Variants in SYNE1 observed in about 807,000 individuals in gnomAD.
SYNE1 encodes the protein nesprin-1.
Under a neutral mutation model 1,111.0 loss-of-function variants are expected in SYNE1, and 616 were observed. The observed-to-expected ratio is 0.55, with a 90% CI of 0.52 to 0.59. The LOEUF (loss-of-function observed/expected upper bound fraction) is 0.59, where lower values mean the gene tolerates loss of function less well. Ranked by LOEUF, SYNE1 falls within the 20% of genes least tolerant of loss-of-function variation. SYNE1 has a pLI of 0.00. For missense variants in SYNE1, 10,006 were observed against 10,417.0 expected, an observed-to-expected ratio of 0.96 and a Z score of 1.72; for synonymous variants, 3,855 against 3,825.8, an observed-to-expected ratio of 1.01 and a Z score of -0.28.
At chr6:152,163,775 G>A (rs965948195) in intron 131 of SYNE1, among the ~76,000 whole-genome samples, 12 of 152,070 alleles carry the variant, frequency 7.9e-5, no homozygotes, top group Non-Finnish European at 1.3e-4. Context: ...AAAAAAAGTC[G>A]GGGGCAGGGG....
At chr6:152,133,138 C>A (rs1010787833) in intron 143 of SYNE1, 138 bp downstream of exon 143, 1 of 823,170 alleles carries the variant, frequency 1.2e-6, no homozygotes, top group East Asian at 2.5e-5. Flanking sequence ...TGAGACAGGA[C>A]TTGTAAGAGC....
At chr6:152,462,585 T>A in intron 20 of SYNE1, 153 bp downstream of exon 20, 1 of 780,834 alleles carries the variant, frequency 1.3e-6, no homozygotes. Flanking sequence ...GTTCAATACA[T>A]TTTTTTCTGA....
chr6:152,461,515 C>G, intron 21 of SYNE1, 82 bp downstream of exon 21: 1 of 1,552,164 alleles, frequency 6.4e-7, no homozygotes, highest in Non-Finnish European at 8.9e-7. Context: ...AACACTTTGC[C>G]CATGGGGAGA....
chr6:152,180,252 A>G lies in SYNE1; in HGVS notation c.23344T>C (p.Trp7782Arg), dbSNP rs554044729. 2 of 1,614,156 alleles carry G rather than the reference A, an allele frequency of 1.2e-6. No homozygotes were observed. The highest frequency in any genetic ancestry group is 1.3e-5 in the African/African-American group (1 of 75,074). ...RQQIGERLNE[W>R]AVFSEKNKEL... ...TTGTTCTTTTCACTGAAGACTGCCC[A>G]TTCATTCAATCTTTCACCTATTTGC... is the stretch of plus-strand genomic sequence containing the variant. Residue 7782 changes from tryptophan (W) to arginine (R), a missense_variant, in exon 129 of 146, where the codon TGG becomes CGG. This residue lies in a region of SYNE1 where 2,182 missense variants were observed against 2,287.8 expected (regional missense o/e 0.95). Transcript: ENST00000367255.
chr6:152,331,026 C>T lies in SYNE1; in HGVS notation c.13659G>A (p.Arg4553=). The T allele has an allele frequency of 1.2e-6, 2 of 1,614,172 alleles. No individual in the cohort carries two copies. Among genetic ancestry groups the T allele is most frequent in the Non-Finnish European group, 8.5e-7 (1 of 1,180,046 alleles). The change falls in exon 78 of 146, where the codon CGG becomes CGA. Residue 4553 remains arginine, a synonymous_variant. Coordinates refer to ENST00000367255, the MANE Select transcript of SYNE1 (RefSeq NM_182961.4). The part of the protein sequence containing the change: ...YDSVLQKCSH[R]LQELEKNLVS... ...CCAAATTCTTCTCTAGTTCTTGTAA[C>T]CGGTGACTGCACTTTTGTAAAACAC...
At chr6:152,305,168 G>A (rs562818236) in intron 91 of SYNE1, among the ~76,000 whole-genome samples, 124 of 152,312 alleles carry the variant, frequency 8.1e-4, no homozygotes, top group Admixed American at 1.4e-3. Context: ...CAGGCTTTCC[G>A]CATCAGGCGG....
chr6:152,415,001 G>A (rs548861715), intron 41 of SYNE1, among the ~76,000 whole-genome samples: 71 of 152,084 alleles, frequency 4.7e-4, no homozygotes, highest in Non-Finnish European at 7.8e-4. Context: ...CTAAATCCTC[G>A]ACATAATGGT....
At chr6:152,425,894 G>A (rs2098344124) in intron 38 of SYNE1, among the ~76,000 whole-genome samples, 1 of 152,150 alleles carries the variant, frequency 6.6e-6, no homozygotes, top group Non-Finnish European at 1.5e-5. Context: ...TTTCTTTCAC[G>A]ATGAAGAGAC....
Position 152,140,106 on chromosome 6 carries a change from C to T in SYNE1, c.25302G>A (p.Arg8434=), listed in dbSNP as rs1442695481. 5.0e-6 allele frequency: 8 copies of T among 1,614,212 alleles called. No homozygotes were observed. Among genetic ancestry groups the T allele is most frequent in the Non-Finnish European group, 6.8e-6 (8 of 1,180,048 alleles). Residue 8434 remains arginine, a synonymous_variant, in exon 140 of 146, where the codon AGG becomes AGA. Coordinates refer to ENST00000367255, the MANE Select transcript of SYNE1 (RefSeq NM_182961.4). ...GCCACTTCTGGAGGTTCTGCTTCAT[C>T]CTCAACTCCTTGCTCAATGCCTGGG... ...LQAQALSKEL[R]MKQNLQKWQQ... is the part of the protein sequence containing the mutation.
rs2080015323 is a variant in SYNE1 at position 152,220,844 on chromosome 6, T to C, written c.21859A>G (p.Asn7287Asp). The change falls in exon 119 of 146, where the codon AAC becomes GAC. Residue 7287 changes from asparagine (N) to aspartate (D), a missense_variant and splice_region_variant. Physicochemically the swap from Asn to Asp is conservative, Grantham distance 23. Coordinates refer to ENST00000367255, the MANE Select transcript of SYNE1 (RefSeq NM_182961.4). The part of the protein sequence containing the change: ...DEVATWIQDC[N>D]DLLKGLGTVK... ...AACAAGGTAGCTCCTGAACATACGTTGCAATCTTGAATCCATGTGGCAACC... is the reference window on the plus strand; with the variant it reads ...AACAAGGTAGCTCCTGAACATACGTCGCAATCTTGAATCCATGTGGCAACC... 6.2e-7 allele frequency: 1 copy of C among 1,613,532 alleles called. No homozygotes were observed. Among genetic ancestry groups the C allele is most frequent in the Non-Finnish European group, 8.5e-7 (1 of 1,179,852 alleles).
intron 45 of SYNE1, among the ~76,000 whole-genome samples, chr6:152,405,921 C>T (rs1191226851): frequency 6.6e-6 from 1 of 152,100 alleles, no homozygotes. Context: ...GTCACTATCT[C>T]CTTACTCTAT....
Position 152,211,525 on chromosome 6 carries a change from G to A in SYNE1, c.22558C>T (p.Arg7520Cys), listed in dbSNP as rs755621860. ...ILHSIIIDGQ[R>C]LLEQGQVDDR... ...TCAACTTGACCTTGTTCTAGAAGAC[G>A]TTGCCCATCAATAATGATTGAGTGC... The change falls in exon 124 of 146, where the codon CGT (arginine) becomes TGT (cysteine). Residue 7520 changes from arginine to cysteine, a missense_variant. Around this residue, in one of 7 missense-constraint regions of SYNE1, gnomAD observed 2,182 missense variants for 2,287.8 expected, o/e 0.95. Coordinates refer to ENST00000367255, the MANE Select transcript of SYNE1 (RefSeq NM_182961.4). 1.3e-5 allele frequency: 21 copies of A among 1,613,566 alleles called. No individual in the cohort carries two copies. The East Asian group carries it at 1.3e-4, about 10-fold the overall frequency.
intron 4 of SYNE1, 42 bp from the exon 5 acceptor site, chr6:152,526,217 C>T (rs2099162889): frequency 1.9e-6 from 3 of 1,570,174 alleles, no homozygotes; most frequent in Admixed American, 1.7e-5. Context: ...ATATCTCTTC[C>T]CTCTCTGTTT....
Position 152,329,754 on chromosome 6 carries a change from G to A in SYNE1, c.14931C>T (p.Ile4977=). Residue 4977 remains isoleucine (I), a synonymous_variant, in exon 78 of 146, where the codon ATC becomes ATT. Coordinates refer to ENST00000367255, the MANE Select transcript of SYNE1 (RefSeq NM_182961.4). ...LAELSELDGD[I]QEALRTRQAT... ...CCTGTCTGGTGCGTAAGGCTTCCTG[G>A]ATGTCTCCATCCAGCTCTGAGAGCT... The A allele has an allele frequency of 6.2e-7, 1 of 1,614,196 alleles. No individual in the cohort carries two copies. The highest frequency in any genetic ancestry group is 8.5e-7 in the Non-Finnish European group (1 of 1,180,028).
chr6:152,141,287 T>G lies in SYNE1; in HGVS notation c.25162A>C (p.Lys8388Gln), dbSNP rs752467024. The G allele has an allele frequency of 1.9e-6, 3 of 1,614,054 alleles. No individual in the cohort carries two copies. The highest frequency in any genetic ancestry group is 2.5e-6 in the Non-Finnish European group (3 of 1,180,038). ...TCCTTCAGTTTGTGCTCCAGTCTCT[T>G]CACGGAGTCTATACTGCTACTGCAT... ...GECSSSIDSV[K>Q]RLEHKLKEEE... The change falls in exon 139 of 146, where the codon AAG becomes CAG. Residue 8388 changes from lysine to glutamine, a missense_variant. By Grantham distance (53) the Lys-to-Gln change is moderately conservative. Transcript: ENST00000367255.
rs1353706819 is a variant in SYNE1 at position 152,520,552 on chromosome 6, G to A, written c.226-10C>T. On this transcript the variant is annotated splice_polypyrimidine_tract_variant and intron_variant, in intron 5 of 145. Coordinates refer to ENST00000367255, the MANE Select transcript of SYNE1 (RefSeq NM_182961.4). The stretch of plus-strand genomic sequence containing the variant: ...GTCCTTGTTCACAAGGCTGTAAAAA[G>A]TGGGGTAAAAAAGGGAATGAGACAA... 6.2e-7 allele frequency: 1 copy of A among 1,613,412 alleles called. No individual in the cohort carries two copies. The highest frequency in any genetic ancestry group is 8.5e-7 in the Non-Finnish European group (1 of 1,179,606).
chr6:152,571,548 T>C (rs2099458017), intron 3 of SYNE1, among the ~76,000 whole-genome samples: 2 of 152,184 alleles, frequency 1.3e-5, no homozygotes, highest in Non-Finnish European at 2.9e-5. Flanking sequence ...ATTTAATTTC[T>C]ATATGTGTAT....
chr6:152,362,335 T>A lies in SYNE1; in HGVS notation c.10146-12A>T, dbSNP rs1271809827. On this transcript the variant is annotated splice_polypyrimidine_tract_variant and intron_variant, in intron 63 of 145. Coordinates refer to ENST00000367255, the MANE Select transcript of SYNE1 (RefSeq NM_182961.4). ...CTCCTTCGAGTTGGCTGAAAGGGAT[T>A]TGAAAGGACAATAAATCCACATTGA... is the stretch of plus-strand genomic sequence containing the variant. The A allele has an allele frequency of 6.2e-7, 1 of 1,614,046 alleles. No homozygotes were observed. Among genetic ancestry groups the A allele is most frequent in the Admixed American group, 1.7e-5 (1 of 59,996 alleles).
chr6:152,260,057 A>G (rs1224851826), intron 101 of SYNE1, among the ~76,000 whole-genome samples: 1 of 152,146 alleles, frequency 6.6e-6, no homozygotes, highest in African/African-American at 2.4e-5. Flanking sequence ...GCTCTTGAAG[A>G]TGAAAGCGGG....
Sources: gnomAD v4.1 joint callset for allele counts (sites outside exome capture counted in the v4.1 genomes callset) on GRCh38, gnomAD v4.1.1 for gene constraint, gnomAD v4.1.1 regional missense constraint, MANE v1.5 for transcripts, NCBI Gene and HGNC (gene_info 2026-07-23, HGNC 2026-07-21) for gene names.